Variants in SS18L1 observed in about 807,000 individuals in gnomAD.
The protein encoded by SS18L1 is calcium-responsive transactivator.
A neutral mutation model predicts 70.3 loss-of-function variants in SS18L1; 32 were observed. The observed-to-expected ratio is 0.46, with a 90% CI of 0.34 to 0.61. SS18L1 has a LOEUF of 0.61. Ranked by LOEUF, SS18L1 falls within the 20% of genes least tolerant of loss-of-function variation. The pLI, the probability that SS18L1 is intolerant of heterozygous loss-of-function variation, is 0.01. For missense variants in SS18L1, 430 were observed against 542.1 expected, an observed-to-expected ratio of 0.79 and a Z score of 2.05; for synonymous variants, 237 against 229.7, an observed-to-expected ratio of 1.03 and a Z score of -0.29.
rs958107685 is a variant in SS18L1 at position 62,158,582 on chromosome 20, T to C, written c.70-90T>C. The C allele has an allele frequency of 1.8e-5, 27 of 1,539,544 alleles. 1 individual carries two copies. The South Asian group carries it at 3.0e-4, about 17-fold the overall frequency. ...TTTCACGTAAGGGACGCTCAACCTA[T>C]ATGAAAACTAGATGTGTAGCGATGG... On this transcript the variant is annotated intron_variant, in intron 1 of 10. Transcript: ENST00000331758. The surrounding 1 kb of genome is among the most constrained non-coding windows in gnomAD (Gnocchi z 4.5).
In SS18L1 at chr20:62,181,168, T is replaced by C. The variant is rs910441535; in HGVS notation, c.*1960T>C. 2.0e-5 allele frequency: 4 copies of C among 195,758 alleles called. No individual in the cohort carries two copies. The highest frequency in any genetic ancestry group is 6.9e-5 in the African/African-American group (3 of 43,210). 12.1% of individuals were successfully genotyped at this position (195,758 alleles called of 1,614,324 possible). A position where few individuals can be genotyped will look rare whatever the true frequency, so the allele number is the denominator to read the frequency against. On this transcript the variant is annotated 3_prime_UTR_variant, in exon 11 of 11. Transcript: ENST00000331758. The stretch of plus-strand genomic sequence containing the variant: ...TGTCACGCACAAATGGGGAGAGAAG[T>C]GTTTATTTTGTAGGCACTAAGGGTT...
At chr20:62,155,099 T>G (rs891027701) in intron 1 of SS18L1, among the ~76,000 whole-genome samples, 2 of 152,204 alleles carry the variant, frequency 1.3e-5, no homozygotes, top group Non-Finnish European at 2.9e-5. Context: ...TAGGTTTTGT[T>G]GGATTTTTTT....
In SS18L1 at chr20:62,154,032, T is replaced by C. The variant is rs570135770; in HGVS notation, c.70-4640T>C. ...GACAATTTGAGAATGAGTTGTAGAC[T>C]TGGTGCCCCTTTACTCCCAAATGCT... On this transcript the variant is annotated intron_variant, in intron 1 of 10. Coordinates refer to ENST00000331758, the MANE Select transcript of SS18L1 (RefSeq NM_198935.3). 5.9e-5 allele frequency among the ~76,000 whole-genome samples: 9 copies of C among 152,350 alleles called. No individual in the cohort carries two copies. The South Asian group carries it at 1.2e-3, about 21-fold the overall frequency.
intron 3 of SS18L1, 111 bp downstream of exon 3, chr20:62,160,072 C>T (rs192972573): frequency 1.8e-6 from 2 of 1,097,128 alleles, no homozygotes; most frequent in Admixed American, 2.2e-5. Context: ...TCAGAGAAAC[C>T]AAAAATACCA....
rs1365253088 is a variant in SS18L1 at position 62,158,918 on chromosome 20, G to A, written c.146+170G>A. On this transcript the variant is annotated intron_variant, in intron 2 of 10. Transcript: ENST00000331758. The surrounding 1 kb of genome is among the most constrained non-coding windows in gnomAD (Gnocchi z 4.5). Reference sequence around the variant, plus strand: ...AGTCCCCTGCACAGAGGCCAGATATGTCCCAGGAGTCCCCCAGCACGGAGG... The same window carrying A: ...AGTCCCCTGCACAGAGGCCAGATATATCCCAGGAGTCCCCCAGCACGGAGG... 1.3e-6 allele frequency: 2 copies of A among 1,589,020 alleles called. No individual in the cohort carries two copies. The highest frequency in any genetic ancestry group is 1.7e-5 in the Admixed American group (1 of 59,296).
intron 1 of SS18L1, among the ~76,000 whole-genome samples, chr20:62,153,095 A>G (rs2057163366): frequency 6.6e-6 from 1 of 152,278 alleles, no homozygotes; most frequent in South Asian, 2.1e-4. Context: ...ATCATGGCGG[A>G]AGGGGAAGCA....
At chr20:62,166,729 A>T (rs1161876883) in intron 8 of SS18L1, among the ~76,000 whole-genome samples, 5 of 151,482 alleles carry the variant, frequency 3.3e-5, no homozygotes, top group Non-Finnish European at 7.4e-5. Context: ...GTTTGAGACC[A>T]GCCTGGCCAA....
At position 62,174,931 on chromosome 20, in the gene SS18L1, G is replaced by A. The variant is rs1480194171; in HGVS notation, c.1164+287G>A. ...CCAGTGTTTGTCACGTACTGGGTAC[G>A]CGTCCGGTCTCTGCTGAGTGCTTGG... is the stretch of plus-strand genomic sequence containing the variant. On this transcript the variant is annotated intron_variant, in intron 10 of 10. Coordinates refer to ENST00000331758, the MANE Select transcript of SS18L1 (RefSeq NM_198935.3). The surrounding 1 kb of genome is among the most constrained non-coding windows in gnomAD (Gnocchi z 4.1). 1.4e-5 allele frequency: 14 copies of A among 983,890 alleles called. No individual in the cohort carries two copies. Among genetic ancestry groups the A allele is most frequent in the Non-Finnish European group, 1.6e-5 (13 of 828,642 alleles). 60.9% of individuals were successfully genotyped at this position (983,890 alleles called of 1,614,324 possible). A position where few individuals can be genotyped will look rare whatever the true frequency, so the allele number is the denominator to read the frequency against.
intron 10 of SS18L1, among the ~76,000 whole-genome samples, chr20:62,177,726 TTTG>T (rs2057644868): frequency 6.6e-6 from 1 of 152,194 alleles, no homozygotes; most frequent in South Asian, 2.1e-4. Context: ...CATGTTGTTT[TTTG>T]TTGTTGTTTT....
Position 62,181,239 on chromosome 20 carries a change from G to T in SS18L1, c.*2031G>T. 1 of 204,416 alleles carries T rather than the reference G, an allele frequency of 4.9e-6. No homozygotes were observed. The highest frequency in any genetic ancestry group is 1.0e-5 in the Non-Finnish European group (1 of 99,586). The allele number at this position is 204,416 out of a possible 1,614,324, so 12.7% of individuals were successfully genotyped here. On this transcript the variant is annotated 3_prime_UTR_variant, in exon 11 of 11. Coordinates refer to ENST00000331758, the MANE Select transcript of SS18L1 (RefSeq NM_198935.3). The stretch of plus-strand genomic sequence containing the variant: ...TAAGGGCTCAAAAATAAACGTATGT[G>T]TTCATATTCGATCACCGAAATGAGA...
chr20:62,169,173 A>C (rs1601041984), intron 8 of SS18L1, among the ~76,000 whole-genome samples: 1 of 152,216 alleles, frequency 6.6e-6, no homozygotes. Flanking sequence ...TCTGGGCGCC[A>C]TTGCTGCTAG....
At chr20:62,175,773 A>G (rs924870516) in intron 10 of SS18L1, among the ~76,000 whole-genome samples, 4 of 152,250 alleles carry the variant, frequency 2.6e-5, no homozygotes, top group African/African-American at 9.6e-5. Context: ...TCAAGAGGGC[A>G]AAGGGTCACC....
intron 4 of SS18L1, among the ~76,000 whole-genome samples, chr20:62,162,297 G>GTTTTC (rs779267366): frequency 6.7e-6 from 1 of 149,312 alleles, no homozygotes; most frequent in Non-Finnish European, 1.5e-5. Flanking sequence ...ACGCTGCTTT[G>GTTTTC]TTTTCTTTTC....
At position 62,161,305 on chromosome 20, in the gene SS18L1, T is replaced by A; in HGVS notation, c.232-131T>A. ...CCTGGCTGTGACGATGGCTGCTGAT[T>A]ACGAACATTGACCAGGTGGCCATGA... is the stretch of plus-strand genomic sequence containing the variant. On this transcript the variant is annotated intron_variant, in intron 3 of 10. Coordinates refer to ENST00000331758, the MANE Select transcript of SS18L1 (RefSeq NM_198935.3). This position sits in a 1 kb window ranked among gnomAD's most constrained non-coding sequence, Gnocchi z 4.4. 6.1e-6 allele frequency: 8 copies of A among 1,313,314 alleles called. No homozygotes were observed. The highest frequency in any genetic ancestry group is 8.7e-6 in the Non-Finnish European group (8 of 924,402). The allele number at this position is 1,313,314 out of a possible 1,614,324, so 81.4% of individuals were successfully genotyped here.
intron 1 of SS18L1, chr20:62,154,589 A>C (rs1276298037): frequency 1.0e-6 from 1 of 984,566 alleles, no homozygotes; most frequent in Non-Finnish European, 1.2e-6. Flanking sequence ...GCTCCTCCGG[A>C]AGTCTCCGTG....
chr20:62,172,603 C>T lies in SS18L1; in HGVS notation c.917-79C>T, dbSNP rs528763765. 31 of 1,599,398 alleles carry T rather than the reference C, an allele frequency of 1.9e-5. No homozygotes were observed. The East Asian group carries it at 3.6e-4, about 19-fold the overall frequency. The stretch of plus-strand genomic sequence containing the variant: ...TTTGGTTTTGGGATTCCAAAGTTAC[C>T]GTGTCGTGAGTGGGCCACAGAATGA... On this transcript the variant is annotated intron_variant, in intron 8 of 10. Transcript: ENST00000331758.
chr20:62,165,486 G>A lies in SS18L1; in HGVS notation c.888G>A (p.Glu296=). The A allele has an allele frequency of 6.2e-7, 1 of 1,612,866 alleles. No homozygotes were observed. Among genetic ancestry groups the A allele is most frequent in the African/African-American group, 1.3e-5 (1 of 75,028 alleles). The change falls in exon 8 of 11, where the codon GAG becomes GAA. Residue 296 remains glutamate, a synonymous_variant. Transcript: ENST00000331758. ...AGCAGAGCTACGACCGGTCCTTCGAGGAGTCCACGCAGCACTACTATGAGG... is the reference window on the plus strand; with the variant it reads ...AGCAGAGCTACGACCGGTCCTTCGAAGAGTCCACGCAGCACTACTATGAGG... The part of the protein sequence containing the change: ...YTEQSYDRSF[E]ESTQHYYEGG...
In SS18L1 at chr20:62,158,992, A is replaced by G. The variant is rs778645445; in HGVS notation, c.146+244A>G. 5 of 1,531,536 alleles carry G rather than the reference A, an allele frequency of 3.3e-6. No individual in the cohort carries two copies. Among genetic ancestry groups the G allele is most frequent in the Non-Finnish European group, 4.4e-6 (5 of 1,137,994 alleles). The allele number at this position is 1,531,536 out of a possible 1,614,324, so 94.9% of individuals were successfully genotyped here. ...CAGCACGGAGGCCAGATATGTCCCG[A>G]GAGTCCCCCAGCACGGAGGCCAGAT... On this transcript the variant is annotated intron_variant, in intron 2 of 10. Transcript: ENST00000331758. This position sits in a 1 kb window ranked among gnomAD's most constrained non-coding sequence, Gnocchi z 4.5.
intron 6 of SS18L1, 94 bp downstream of exon 6, chr20:62,163,716 G>C (rs1601026090): frequency 7.0e-7 from 1 of 1,426,052 alleles, no homozygotes; most frequent in Non-Finnish European, 9.2e-7. Context: ...GAGCCTGGGG[G>C]AGTGAGGCGG....
Sources: gnomAD v4.1 joint callset for allele counts (sites outside exome capture counted in the v4.1 genomes callset) on GRCh38, gnomAD v4.1.1 for gene constraint, Gnocchi (gnomAD v3.1) non-coding constraint, MANE v1.5 for transcripts, NCBI Gene and HGNC (gene_info 2026-07-23, HGNC 2026-07-21) for gene names.